The following CFAP20DC variants were observed in gnomAD, a reference collection of about 807,000 sequenced individuals.
CFAP20DC encodes the protein CFAP20 domain containing.
In CFAP20DC, 84 loss-of-function variants were observed where a neutral mutation model predicts 101.7. That is an observed-to-expected ratio of 0.83 (90% CI 0.69 to 0.99). The LOEUF (loss-of-function observed/expected upper bound fraction) is 0.99. CFAP20DC is among the 50% of genes least tolerant of loss of function. CFAP20DC has a pLI of 0.00. For synonymous variants in CFAP20DC, 359 were observed against 351.2 expected (o/e 1.02, Z -0.25); for missense variants, 1,007 against 970.3 (o/e 1.04, Z -0.50).
intron 15 of CFAP20DC, among the ~76,000 whole-genome samples, chr3:58,791,979 G>A (rs1478561613): frequency 1.3e-5 from 2 of 152,212 alleles, no homozygotes; most frequent in South Asian, 2.1e-4. Context: ...ATACAACCAT[G>A]TACTTGGAAT....
chr3:58,841,250 G>C (rs753860746), intron 13 of CFAP20DC, among the ~76,000 whole-genome samples: 1 of 152,186 alleles, frequency 6.6e-6, no homozygotes, highest in Non-Finnish European at 1.5e-5. Context: ...AGAAGGGTCA[G>C]AAAGACATTT....
Position 58,788,694 on chromosome 3 carries a change from T to C in CFAP20DC, c.2237+17701A>G, listed in dbSNP as rs763213883. 1.3e-5 allele frequency among the ~76,000 whole-genome samples: 2 copies of C among 152,208 alleles called. No homozygotes were observed. Among genetic ancestry groups the C allele is most frequent in the Non-Finnish European group, 2.9e-5 (2 of 67,994 alleles). ...ACATTTAGGGCACTAATCTAGTATA[T>C]AAATTGCACAGTTTTTAATCTCAGC... On this transcript the variant is annotated intron_variant, in intron 15 of 16. Transcript: ENST00000482387. The surrounding 1 kb of genome is among the most constrained non-coding windows in gnomAD (Gnocchi z 4.2).
chr3:58,884,635 C>A lies in CFAP20DC; in HGVS notation c.625G>T (p.Val209Phe). ...IPRSCQLMTDVPHVTQLLNMT... is the reference protein window; with the variant it reads ...IPRSCQLMTDFPHVTQLLNMT... ...TTTAGCAGCTGTGTGACATGTGGAA[C>A]ATCTGTCATTAGTTGACAGCTTCGT... Residue 209 changes from valine to phenylalanine, a missense_variant, in exon 7 of 17, where the codon GTT becomes TTT. Physicochemically the swap from Val to Phe is conservative, Grantham distance 50 (BLOSUM62 -1). Coordinates refer to ENST00000482387, the MANE Select transcript of CFAP20DC (RefSeq NM_001394063.1). 6.2e-7 allele frequency: 1 copy of A among 1,613,866 alleles called. No individual in the cohort carries two copies. Among genetic ancestry groups the A allele is most frequent in the Non-Finnish European group, 8.5e-7 (1 of 1,179,808 alleles).
Position 58,802,032 on chromosome 3 carries a change from T to G in CFAP20DC, c.2237+4363A>C, listed in dbSNP as rs139858212. Among the ~76,000 whole-genome samples, 439 of 152,304 alleles carry G rather than the reference T, an allele frequency of 2.9e-3. 1 individual carries two copies. The highest frequency in any genetic ancestry group is 9.9e-3 in the African/African-American group (410 of 41,560). Reference sequence around the variant, plus strand: ...CATTCCTTCCTCCCTCCCCCTAATTTTCCAATGAGTTGTAAAAATAGCAAG... The same window carrying G: ...CATTCCTTCCTCCCTCCCCCTAATTGTCCAATGAGTTGTAAAAATAGCAAG... On this transcript the variant is annotated intron_variant, in intron 15 of 16. Coordinates refer to ENST00000482387, the MANE Select transcript of CFAP20DC (RefSeq NM_001394063.1).
rs564739099 is a variant in CFAP20DC at position 58,854,865 on chromosome 3, C to T, written c.1594-5456G>A. On this transcript the variant is annotated intron_variant, in intron 12 of 16. Coordinates refer to ENST00000482387, the MANE Select transcript of CFAP20DC (RefSeq NM_001394063.1). ...ATGGATTAAAGACTTAAACGTTAGACCTAAAACCATAAAAACCCTAGAAGA... is the reference window on the plus strand; with the variant it reads ...ATGGATTAAAGACTTAAACGTTAGATCTAAAACCATAAAAACCCTAGAAGA... Among the ~76,000 whole-genome samples, 157 of 145,052 alleles carry T rather than the reference C, an allele frequency of 1.1e-3. 1 individual carries two copies. Among genetic ancestry groups the T allele is most frequent in the Admixed American group, 7.3e-3 (105 of 14,362 alleles).
intron 4 of CFAP20DC, among the ~76,000 whole-genome samples, chr3:58,984,694 A>C (rs758467453): frequency 8.5e-5 from 13 of 152,202 alleles, no homozygotes; most frequent in Admixed American, 2.0e-4. Context: ...CAAAATCTCT[A>C]CAGAGAAGGA....
chr3:58,933,329 T>C (rs540648355), intron 5 of CFAP20DC, among the ~76,000 whole-genome samples: 2,110 of 151,534 alleles, frequency 0.014, 46 homozygotes, highest in African/African-American at 0.049. Context: ...AATGGGAGAC[T>C]TTAACACCCC....
chr3:59,022,558 T>C (rs1322665509), intron 4 of CFAP20DC, among the ~76,000 whole-genome samples: 1 of 152,164 alleles, frequency 6.6e-6, no homozygotes, highest in African/African-American at 2.4e-5. Flanking sequence ...AAGTTATAGA[T>C]CAATGGCATT....
intron 15 of CFAP20DC, among the ~76,000 whole-genome samples, chr3:58,774,153 A>C (rs1426047635): frequency 6.6e-6 from 1 of 152,180 alleles, no homozygotes; most frequent in Non-Finnish European, 1.5e-5. Context: ...AAAACTAATC[A>C]AGCATTGTCT....
intron 14 of CFAP20DC, among the ~76,000 whole-genome samples, chr3:58,807,609 G>C (rs1366471039): frequency 6.6e-6 from 1 of 152,166 alleles, no homozygotes; most frequent in Non-Finnish European, 1.5e-5. Flanking sequence ...AAACCACAAA[G>C]ATGGGGAAAA....
At chr3:58,857,978 T>C (rs535201515) in intron 12 of CFAP20DC, among the ~76,000 whole-genome samples, 2 of 152,280 alleles carry the variant, frequency 1.3e-5, no homozygotes, top group East Asian at 3.9e-4. Flanking sequence ...AACATATAAA[T>C]TTATTATGTG....
chr3:58,953,986 G>A lies in CFAP20DC; in HGVS notation c.279-16224C>T, dbSNP rs183289921. 2.7e-3 allele frequency among the ~76,000 whole-genome samples: 411 copies of A among 152,306 alleles called. 1 individual carries two copies. The highest frequency in any genetic ancestry group is 9.3e-3 in the African/African-American group (387 of 41,570). The stretch of plus-strand genomic sequence containing the variant: ...ATAGAAAAAGTAATGAGACTATGTT[G>A]AGAGAAAATGGGGTAGTTGACGGGA... On this transcript the variant is annotated intron_variant, in intron 4 of 16. Coordinates refer to ENST00000482387, the MANE Select transcript of CFAP20DC (RefSeq NM_001394063.1).
rs963567845 is a variant in CFAP20DC, at chr3:58,892,982, C to A, written c.551-8273G>T. Among the ~76,000 whole-genome samples the A allele has an allele frequency of 1.3e-5, 2 of 149,546 alleles. No individual in the cohort carries two copies. The highest frequency in any genetic ancestry group is 2.5e-5 in the African/African-American group (1 of 40,628). ...GGCTGTGGGTTTGTCATATACAGTT[C>A]TTATTATTTTGAGGTGTGTTTCTTC... is the stretch of plus-strand genomic sequence containing the variant. On this transcript the variant is annotated intron_variant, in intron 6 of 16. Coordinates refer to ENST00000482387, the MANE Select transcript of CFAP20DC (RefSeq NM_001394063.1). The surrounding 1 kb of genome is among the most constrained non-coding windows in gnomAD (Gnocchi z 4.0).
chr3:58,808,126 T>G (rs373602486), intron 14 of CFAP20DC, among the ~76,000 whole-genome samples: 11 of 152,322 alleles, frequency 7.2e-5, no homozygotes, highest in East Asian at 5.8e-4. Context: ...TGGAACCAAG[T>G]TGGAAAACAC....
rs139044226 is a variant in CFAP20DC, at chr3:58,762,636, C to A, written c.2238-8773G>T. The stretch of plus-strand genomic sequence containing the variant: ...TGATGCAGTTTCTTCCTAGCCTTGA[C>A]GGTCTTTACAATTTGTCATGTTTTT... On this transcript the variant is annotated intron_variant, in intron 15 of 16. Coordinates refer to ENST00000482387, the MANE Select transcript of CFAP20DC (RefSeq NM_001394063.1). 3.3e-5 allele frequency among the ~76,000 whole-genome samples: 5 copies of A among 152,262 alleles called. No homozygotes were observed. The East Asian group carries it at 9.6e-4, about 29-fold the overall frequency.
intron 15 of CFAP20DC, among the ~76,000 whole-genome samples, chr3:58,769,536 G>A (rs937095205): frequency 6.6e-6 from 1 of 152,144 alleles, no homozygotes; most frequent in African/African-American, 2.4e-5. Flanking sequence ...ATAGATGAGA[G>A]CAAAAAGATG....
chr3:58,806,602 T>A, intron 14 of CFAP20DC, 146 bp from the exon 15 acceptor site: 1 of 655,760 alleles, frequency 1.5e-6, no homozygotes, highest in East Asian at 2.9e-5. Context: ...GACGGCCGAA[T>A]AGGAACAGCT....
Position 58,799,600 on chromosome 3 carries a change from T to A in CFAP20DC, c.2237+6795A>T, listed in dbSNP as rs191953700. Among the ~76,000 whole-genome samples the A allele has an allele frequency of 6.6e-6, 1 of 152,222 alleles. No individual in the cohort carries two copies. Among genetic ancestry groups the A allele is most frequent in the East Asian group, 1.9e-4 (1 of 5,172 alleles). ...CTCTTATGTGCCTATTTTTTATGTG[T>A]CTCCTATGTGCTTGGCAAGTATATC... On this transcript the variant is annotated intron_variant, in intron 15 of 16. Coordinates refer to ENST00000482387, the MANE Select transcript of CFAP20DC (RefSeq NM_001394063.1). The surrounding 1 kb of genome is among the most constrained non-coding windows in gnomAD (Gnocchi z 4.9).
intron 7 of CFAP20DC, 98 bp downstream of exon 7, chr3:58,884,447 T>C (rs893924410): frequency 2.6e-5 from 29 of 1,128,734 alleles, no homozygotes; most frequent in Non-Finnish European, 3.7e-5. Context: ...GCGAAGGATA[T>C]AGAAGAATGA....
Sources: gnomAD v4.1 joint callset for allele counts (sites outside exome capture counted in the v4.1 genomes callset) on GRCh38, gnomAD v4.1.1 for gene constraint, Gnocchi (gnomAD v3.1) non-coding constraint, MANE v1.5 for transcripts, NCBI Gene and HGNC (gene_info 2026-07-23, HGNC 2026-07-21) for gene names.